The following CNTNAP2 variants were observed in gnomAD, a reference collection of about 807,000 sequenced individuals.
CNTNAP2 encodes contactin-associated protein-like 2.
In CNTNAP2, 98 loss-of-function variants were observed where a neutral mutation model predicts 155.2. That is an observed-to-expected ratio of 0.63 (90% confidence interval 0.54 to 0.75). The LOEUF (loss-of-function observed/expected upper bound fraction) is 0.75, where lower values mean the gene tolerates loss of function less well. Among genes scored for constraint, CNTNAP2 ranks in the 30% least tolerant of loss-of-function variants. The pLI is 0.00. For missense variants in CNTNAP2, 1,727 were observed against 1,688.1 expected (o/e 1.02, Z -0.40); for synonymous variants, 651 against 631.2 (o/e 1.03, Z -0.47).
At chr7:147,174,044 C>T (rs139770147) in intron 8 of CNTNAP2, among the ~76,000 whole-genome samples, 2 of 152,180 alleles carry the variant, frequency 1.3e-5, no homozygotes, top group Non-Finnish European at 2.9e-5. Flanking sequence ...TATATTCCTC[C>T]CTCTGAATCA....
intron 1 of CNTNAP2, among the ~76,000 whole-genome samples, chr7:146,743,574 CT>C (rs559237602): frequency 0.13 from 18,695 of 145,402 alleles, 2,785 homozygotes; most frequent in African/African-American, 0.37. Flanking sequence ...TATGCAGTGA[CT>C]TTTTTTTTTT....
intron 9 of CNTNAP2, among the ~76,000 whole-genome samples, chr7:147,386,191 A>G (rs537700860): frequency 2.6e-5 from 4 of 152,046 alleles, no homozygotes; most frequent in Non-Finnish European, 5.9e-5. Context: ...TTTCCTCCCT[A>G]AACCTCCAGG....
chr7:146,586,942 G>A (rs1798701214), intron 1 of CNTNAP2, among the ~76,000 whole-genome samples: 1 of 151,974 alleles, frequency 6.6e-6, no homozygotes, highest in Admixed American at 6.6e-5. Flanking sequence ...AAATGTGCTA[G>A]ACTTTTTTAA....
intron 11 of CNTNAP2, among the ~76,000 whole-genome samples, chr7:147,550,864 ATATAG>A (rs1287703211): frequency 1.3e-5 from 2 of 152,356 alleles, no homozygotes; most frequent in Non-Finnish European, 2.9e-5. Flanking sequence ...GTACATATAG[ATATAG>A]TATATACGTT....
intron 15 of CNTNAP2, among the ~76,000 whole-genome samples, chr7:148,051,246 T>A (rs1392988080): frequency 6.6e-6 from 1 of 152,228 alleles, no homozygotes; most frequent in East Asian, 1.9e-4. Flanking sequence ...AAATATCATT[T>A]TTGTATTAAG....
At chr7:146,632,051 C>A (rs969417620) in intron 1 of CNTNAP2, among the ~76,000 whole-genome samples, 1 of 152,118 alleles carries the variant, frequency 6.6e-6, no homozygotes, top group Non-Finnish European at 1.5e-5. Context: ...GCATATTCTG[C>A]AAACAAGGTA....
At chr7:146,389,888 A>G (rs1163173992) in intron 1 of CNTNAP2, among the ~76,000 whole-genome samples, 1 of 151,490 alleles carries the variant, frequency 6.6e-6, no homozygotes, top group Non-Finnish European at 1.5e-5. Context: ...TTTAGTAGAG[A>G]CAGGATTCCA....
chr7:148,390,298 CAAAT>C (rs1799317731), intron 22 of CNTNAP2, among the ~76,000 whole-genome samples: 1 of 152,046 alleles, frequency 6.6e-6, no homozygotes, highest in South Asian at 2.1e-4. Flanking sequence ...TTGAAACAAA[CAAAT>C]GAACAATAAA....
intron 8 of CNTNAP2, among the ~76,000 whole-genome samples, chr7:147,233,405 C>T (rs1803728748): frequency 6.6e-6 from 1 of 152,082 alleles, no homozygotes; most frequent in Non-Finnish European, 1.5e-5. Context: ...TCTTTACTTG[C>T]TATTTTAATT....
At chr7:146,848,943 T>C (rs1562971916) in intron 3 of CNTNAP2, among the ~76,000 whole-genome samples, 1 of 152,044 alleles carries the variant, frequency 6.6e-6, no homozygotes, top group Non-Finnish European at 1.5e-5. Context: ...ATGCTAATGA[T>C]TGTATTTTTA....
intron 1 of CNTNAP2, among the ~76,000 whole-genome samples, chr7:146,186,416 T>A (rs1019130453): frequency 6.6e-6 from 1 of 152,216 alleles, no homozygotes; most frequent in African/African-American, 2.4e-5. Flanking sequence ...TTTGATTTGA[T>A]ATATGCTTAT....
intron 8 of CNTNAP2, among the ~76,000 whole-genome samples, chr7:147,295,270 C>G (rs370293320): frequency 1.3e-5 from 2 of 150,344 alleles, no homozygotes; most frequent in East Asian, 2.0e-4. Flanking sequence ...TGTGTGCATG[C>G]GTGTGTGTGT....
rs187002948 is a variant in CNTNAP2, at chr7:147,563,965, T to C, written c.1897+1708T>C. On this transcript the variant is annotated intron_variant, in intron 12 of 23. Coordinates refer to ENST00000361727, the MANE Select transcript of CNTNAP2 (RefSeq NM_014141.6). ...GAAAATGATGAGGGCATCAGTGTAGTATGGAAGACATGTGGAGAAGATAAT... is the reference window on the plus strand; with the variant it reads ...GAAAATGATGAGGGCATCAGTGTAGCATGGAAGACATGTGGAGAAGATAAT... Among the ~76,000 whole-genome samples, 7 of 152,156 alleles carry C rather than the reference T, an allele frequency of 4.6e-5. No homozygotes were observed. In the East Asian group the frequency reaches 1.4e-3, roughly 29 times the overall value.
At chr7:147,536,782 C>G (rs1799548541) in intron 11 of CNTNAP2, among the ~76,000 whole-genome samples, 1 of 152,176 alleles carries the variant, frequency 6.6e-6, no homozygotes. Context: ...GATGCAATCA[C>G]TTTCTTTTTC....
At chr7:146,476,883 G>A (rs1391221259) in intron 1 of CNTNAP2, among the ~76,000 whole-genome samples, 1 of 152,102 alleles carries the variant, frequency 6.6e-6, no homozygotes, top group Non-Finnish European at 1.5e-5. Context: ...AGCAACTATG[G>A]CTACGCATAC....
rs56886106 is a variant in CNTNAP2 at position 146,380,784 on chromosome 7, C to CTTTTTTTTT, written c.97+263836_97+263844dup. 6.7e-4 allele frequency among the ~76,000 whole-genome samples: 26 copies of CTTTTTTTTT among 38,820 alleles called. 4 individuals carry two copies. The highest frequency in any genetic ancestry group is 1.8e-3 in the African/African-American group (23 of 12,770). The allele number at this position is 38,820 out of a possible 152,430, so 25.5% of individuals were successfully genotyped here. On this transcript the variant is annotated intron_variant, in intron 1 of 23. Coordinates refer to ENST00000361727, the MANE Select transcript of CNTNAP2 (RefSeq NM_014141.6). ...ATATTTCTTGCTTCTTATGCACGTT[C>CTTTTTTTTT]TTTTTTTTTTTTTTTTTTTTTTTTT...
chr7:146,790,656 G>A lies in CNTNAP2; in HGVS notation c.208+16275G>A, dbSNP rs528449989. On this transcript the variant is annotated intron_variant, in intron 2 of 23. Coordinates refer to ENST00000361727, the MANE Select transcript of CNTNAP2 (RefSeq NM_014141.6). ...GCGATCTCAGCTCACTGCAAGCTCC[G>A]CCTCCCGGGTTCACGCCATTCTCCT... 1.9e-4 allele frequency among the ~76,000 whole-genome samples: 28 copies of A among 149,712 alleles called. No individual in the cohort carries two copies. In the South Asian group the frequency reaches 4.2e-3, roughly 22 times the overall value.
chr7:147,625,286 G>A (rs933381615), intron 12 of CNTNAP2, among the ~76,000 whole-genome samples: 4 of 152,152 alleles, frequency 2.6e-5, no homozygotes, highest in Non-Finnish European at 4.4e-5. Context: ...AAGCATAAAT[G>A]CTTGAGTGGA....
intron 1 of CNTNAP2, among the ~76,000 whole-genome samples, chr7:146,662,283 G>T (rs986375082): frequency 1.3e-5 from 2 of 151,988 alleles, no homozygotes; most frequent in Non-Finnish European, 2.9e-5. Flanking sequence ...AATTATAGGC[G>T]CCCGCCACCA....
Sources: gnomAD v4.1 joint callset for allele counts (sites outside exome capture counted in the v4.1 genomes callset) on GRCh38, gnomAD v4.1.1 for gene constraint, MANE v1.5 for transcripts, NCBI Gene and HGNC (gene_info 2026-07-23, HGNC 2026-07-21) for gene names.